The following TBL1XR1 variants were observed in gnomAD, a reference collection of about 807,000 sequenced individuals.
The protein encoded by TBL1XR1 is TBL1X/Y related 1, also known as F-box-like/WD repeat-containing protein TBL1XR1.
In TBL1XR1, 5 loss-of-function variants were observed where a neutral mutation model predicts 66.9. The ratio of observed to expected loss-of-function variants is 0.07; its 90% CI spans 0.04 to 0.16. The LOEUF is 0.16. Ranked by LOEUF, TBL1XR1 falls within the 10% of genes least tolerant of loss-of-function variation. TBL1XR1 has a pLI of 1.00. For synonymous variants in TBL1XR1, 210 were observed against 206.0 expected, an observed-to-expected ratio of 1.02 and a Z score of -0.17; for missense variants, 238 against 623.2, an observed-to-expected ratio of 0.38 and a Z score of 6.58.
chr3:177,036,798 G>T (rs1050946533), intron 12 of TBL1XR1, among the ~76,000 whole-genome samples: 2 of 152,164 alleles, frequency 1.3e-5, no homozygotes, highest in Non-Finnish European at 2.9e-5. Flanking sequence ...ATAGTAGCAG[G>T]AAAATCAGTT....
chr3:177,181,763 A>G (rs1310804669), intron 1 of TBL1XR1, among the ~76,000 whole-genome samples: 2 of 152,070 alleles, frequency 1.3e-5, no homozygotes, highest in African/African-American at 4.8e-5. Context: ...CATGAATCAG[A>G]AAAAAAGCCA....
At chr3:177,133,301 T>C (rs553892828) in intron 1 of TBL1XR1, among the ~76,000 whole-genome samples, 254 of 151,846 alleles carry the variant, frequency 1.7e-3, no homozygotes, top group African/African-American at 5.6e-3. Flanking sequence ...AAATAAAAAA[T>C]AAATAAATAA....
At chr3:177,038,579 A>G (rs1715133578) in intron 10 of TBL1XR1, 145 bp from the exon 11 acceptor site, 2 of 775,602 alleles carry the variant, frequency 2.6e-6, no homozygotes, top group South Asian at 7.8e-5. Flanking sequence ...ATTAAGAAAA[A>G]ATTAAAATAA....
intron 2 of TBL1XR1, among the ~76,000 whole-genome samples, chr3:177,076,529 C>T (rs796368681): frequency 3.3e-5 from 5 of 152,094 alleles, no homozygotes; most frequent in African/African-American, 9.7e-5. Flanking sequence ...CTCCAACTTA[C>T]GAATTTAGGA....
chr3:177,054,322 G>C (rs1045344160), intron 3 of TBL1XR1, among the ~76,000 whole-genome samples: 2 of 151,946 alleles, frequency 1.3e-5, no homozygotes, highest in Non-Finnish European at 2.9e-5. Context: ...TAATATTTCT[G>C]TATTATATTT....
chr3:177,164,982 G>C (rs1732652865), intron 1 of TBL1XR1, among the ~76,000 whole-genome samples: 1 of 151,976 alleles, frequency 6.6e-6, no homozygotes, highest in Non-Finnish European at 1.5e-5. Flanking sequence ...CCGTGGCAAA[G>C]AAATGTATGA....
intron 3 of TBL1XR1, among the ~76,000 whole-genome samples, chr3:177,064,023 T>C (rs184537539): frequency 8.7e-4 from 132 of 152,248 alleles, no homozygotes; most frequent in Middle Eastern, 3.4e-3. Context: ...GATTCAAGTC[T>C]CAAAACCATA....
intron 10 of TBL1XR1, among the ~76,000 whole-genome samples, chr3:177,040,020 G>A (rs1250945652): frequency 6.6e-6 from 1 of 152,154 alleles, no homozygotes; most frequent in East Asian, 1.9e-4. Context: ...AAAACTTAAA[G>A]GGGAAAAACA....
At chr3:177,088,529 T>C (rs1416631015) in intron 2 of TBL1XR1, among the ~76,000 whole-genome samples, 4 of 152,186 alleles carry the variant, frequency 2.6e-5, no homozygotes, top group African/African-American at 7.2e-5. Flanking sequence ...TAACCAATGC[T>C]CAACCTGTGT....
chr3:177,087,601 T>C (rs980223879), intron 2 of TBL1XR1, among the ~76,000 whole-genome samples: 1 of 152,180 alleles, frequency 6.6e-6, no homozygotes, highest in Admixed American at 6.5e-5. Context: ...AGGACAGAAG[T>C]TGAAGAAGCA....
At chr3:177,136,238 TCCAAAAGC>T (rs1332230643) in intron 1 of TBL1XR1, 1 of 152,114 alleles carries the variant, frequency 6.6e-6, no homozygotes, top group Non-Finnish European at 1.5e-5. Context: ...AGTCCAAAAG[TCCAAAAGC>T]CATAGACAAA....
intron 1 of TBL1XR1, among the ~76,000 whole-genome samples, chr3:177,107,147 CTG>C (rs1274794774): frequency 1.3e-5 from 2 of 152,006 alleles, no homozygotes; most frequent in Non-Finnish European, 2.9e-5. Context: ...AATTACTAAA[CTG>C]AAAACTGTCA....
intron 2 of TBL1XR1, among the ~76,000 whole-genome samples, chr3:177,066,354 G>C (rs1194750049): frequency 1.1e-4 from 16 of 152,088 alleles, no homozygotes; most frequent in Admixed American, 1.0e-3. Context: ...AGCAGTCTAG[G>C]AACACATTTA....
chr3:177,087,079 A>G (rs934469214), intron 2 of TBL1XR1: 4 of 136,196 alleles, frequency 2.9e-5, no homozygotes, highest in Middle Eastern at 3.9e-3. Context: ...GGAAGGACAG[A>G]CAGGCAGAAA....
chr3:177,070,606 T>C (rs1266032889), intron 2 of TBL1XR1, among the ~76,000 whole-genome samples: 2 of 152,110 alleles, frequency 1.3e-5, no homozygotes. Flanking sequence ...CCTAGCACTT[T>C]GGGGGGCCGA....
intron 1 of TBL1XR1, chr3:177,131,419 C>G (rs983248459): frequency 1.0e-6 from 1 of 984,662 alleles, no homozygotes; most frequent in Non-Finnish European, 1.2e-6. Flanking sequence ...GCATAAAGTG[C>G]CTGGTCTTCC....
Position 177,149,080 on chromosome 3 carries a change from C to T in TBL1XR1, c.-122+48041G>A, listed in dbSNP as rs113432733. Among the ~76,000 whole-genome samples, 50 of 152,228 alleles carry T rather than the reference C, an allele frequency of 3.3e-4. 3 individuals are homozygous for T. The highest frequency in any genetic ancestry group is 1.2e-3 in the African/African-American group (50 of 41,548). On this transcript the variant is annotated intron_variant, in intron 1 of 15. Transcript: ENST00000457928. ...CTTTAGAAGTAAGCAATGAGCAGAG[C>T]TTCCATTTCTTGCTCAGTCCCAAGA...
intron 1 of TBL1XR1, among the ~76,000 whole-genome samples, chr3:177,121,469 A>G (rs1249960377): frequency 6.6e-6 from 1 of 152,206 alleles, no homozygotes; most frequent in Non-Finnish European, 1.5e-5. Context: ...TCTAGAAATA[A>G]GTCCCAATTT....
chr3:177,075,786 C>A (rs964831962), intron 2 of TBL1XR1, among the ~76,000 whole-genome samples: 1 of 152,066 alleles, frequency 6.6e-6, no homozygotes, highest in Non-Finnish European at 1.5e-5. Context: ...TCTAAATTAG[C>A]GTGACAATAA....
Sources: gnomAD v4.1 joint callset for allele counts (sites outside exome capture counted in the v4.1 genomes callset) on GRCh38, gnomAD v4.1.1 for gene constraint, MANE v1.5 for transcripts, NCBI Gene and HGNC (gene_info 2026-07-23, HGNC 2026-07-21) for gene names.